Variants in AAK1 observed in about 807,000 individuals in gnomAD.
AAK1 encodes the protein AP2-associated protein kinase 1.
A neutral mutation model predicts 116.0 loss-of-function variants in AAK1; 37 were observed. That is an observed-to-expected ratio of 0.32 (90% CI 0.25 to 0.42). The LOEUF is 0.42. AAK1 is among the 10% of genes least tolerant of loss of function. The pLI, the probability that AAK1 is intolerant of heterozygous loss-of-function variation, is 1.00. For synonymous variants in AAK1, 458 were observed against 439.9 expected (o/e 1.04, Z -0.51); for missense variants, 919 against 1,170.6 (o/e 0.79, Z 3.14).
intron 2 of AAK1, among the ~76,000 whole-genome samples, chr2:69,613,866 G>A (rs1674199789): frequency 6.6e-6 from 1 of 152,228 alleles, no homozygotes; most frequent in African/African-American, 2.4e-5. Flanking sequence ...ACAGGAGGAA[G>A]GGGTAATGAG....
chr2:69,492,407 T>G (rs569827567), intron 17 of AAK1, among the ~76,000 whole-genome samples: 1 of 151,556 alleles, frequency 6.6e-6, no homozygotes, highest in Non-Finnish European at 1.5e-5. Flanking sequence ...AGAGACAGGG[T>G]CCCACCATGT....
At chr2:69,505,257 T>G (rs1224389909) in intron 16 of AAK1, among the ~76,000 whole-genome samples, 1 of 152,178 alleles carries the variant, frequency 6.6e-6, no homozygotes, top group East Asian at 1.9e-4. Context: ...ACTGGGTGTT[T>G]CTTAAATCTA....
intron 17 of AAK1, among the ~76,000 whole-genome samples, chr2:69,485,001 C>T (rs1675239575): frequency 6.6e-6 from 1 of 152,050 alleles, no homozygotes; most frequent in African/African-American, 2.4e-5. Flanking sequence ...TTAGCATTAA[C>T]CTTACACTGT....
chr2:69,573,467 T>G (rs1672169947), intron 2 of AAK1, among the ~76,000 whole-genome samples: 1 of 152,222 alleles, frequency 6.6e-6, no homozygotes, highest in Admixed American at 6.5e-5. Context: ...GTGGTAAGGC[T>G]ACATGTCAAA....
chr2:69,518,258 C>T lies in AAK1; in HGVS notation c.1497+696G>A, dbSNP rs147891895. On this transcript the variant is annotated intron_variant, in intron 12 of 21. Coordinates refer to ENST00000409085, the MANE Select transcript of AAK1 (RefSeq NM_014911.5). ...TGTTAGTATTGGATACTGATTCAAACAAGCCAACTTAATTATGAGATATCA... is the reference window on the plus strand; with the variant it reads ...TGTTAGTATTGGATACTGATTCAAATAAGCCAACTTAATTATGAGATATCA... Among the ~76,000 whole-genome samples, 54 of 152,078 alleles carry T rather than the reference C, an allele frequency of 3.6e-4. 1 individual carries two copies. In the East Asian group the frequency reaches 9.5e-3, roughly 27 times the overall value.
intron 2 of AAK1, among the ~76,000 whole-genome samples, chr2:69,606,363 C>T (rs72837978): frequency 0.044 from 6,692 of 152,280 alleles, 239 homozygotes; most frequent in Non-Finnish European, 0.061. Context: ...TTCACAAATC[C>T]TTCTCTTGTA....
intron 12 of AAK1, 132 bp downstream of exon 12, chr2:69,518,822 T>C: frequency 7.5e-7 from 1 of 1,341,918 alleles, no homozygotes; most frequent in South Asian, 1.5e-5. Context: ...TTCTCAATGC[T>C]TTAGTATCTA....
chr2:69,505,510 A>G (rs766621621), intron 16 of AAK1, 59 bp downstream of exon 16: 1 of 1,409,048 alleles, frequency 7.1e-7, no homozygotes, highest in Non-Finnish European at 1.0e-6. Flanking sequence ...CTGTGGAGTA[A>G]AAAACAGTGT....
chr2:69,548,185 T>C (rs1050077786), intron 3 of AAK1, among the ~76,000 whole-genome samples: 2 of 152,214 alleles, frequency 1.3e-5, no homozygotes, highest in Non-Finnish European at 2.9e-5. Flanking sequence ...TGCACAACCT[T>C]GTGAATATAC....
intron 2 of AAK1, among the ~76,000 whole-genome samples, chr2:69,586,847 T>G (rs757107060): frequency 5.9e-5 from 9 of 152,178 alleles, no homozygotes; most frequent in Non-Finnish European, 8.8e-5. Flanking sequence ...ATACTGAGAT[T>G]CAAAATCCTT....
chr2:69,535,050 T>C (rs1359946713), intron 5 of AAK1, among the ~76,000 whole-genome samples: 2 of 152,228 alleles, frequency 1.3e-5, no homozygotes, highest in Non-Finnish European at 2.9e-5. Context: ...AAATCACTTA[T>C]TCAGCATCAT....
chr2:69,618,601 G>A lies in AAK1; in HGVS notation c.163+24277C>T, dbSNP rs539904262. 3.9e-5 allele frequency among the ~76,000 whole-genome samples: 6 copies of A among 152,176 alleles called. No homozygotes were observed. In the East Asian group the frequency reaches 7.7e-4, roughly 20 times the overall value. ...TCCTGCTCCTTTGAGCTCATGCCAC[G>A]TGGCTACACTGGCTTCCACCCTGCC... is the stretch of plus-strand genomic sequence containing the variant. On this transcript the variant is annotated intron_variant, in intron 2 of 21. Coordinates refer to ENST00000409085, the MANE Select transcript of AAK1 (RefSeq NM_014911.5).
chr2:69,548,166 G>A (rs569680276), intron 3 of AAK1, among the ~76,000 whole-genome samples: 3 of 152,314 alleles, frequency 2.0e-5, no homozygotes, highest in African/African-American at 7.2e-5. Flanking sequence ...ATTAGATAGT[G>A]GTGATGGTTG....
In AAK1 at chr2:69,475,064, C is replaced by T. The variant is rs985886232; in HGVS notation, c.*805G>A. On this transcript the variant is annotated 3_prime_UTR_variant, in exon 22 of 22. Coordinates refer to ENST00000409085, the MANE Select transcript of AAK1 (RefSeq NM_014911.5). ...TCTAATTCTGAGATCCCACTTGGAA[C>T]AGTTAACATGAAAAGGAATGGCAAT... is the stretch of plus-strand genomic sequence containing the variant. 2.2e-5 allele frequency: 22 copies of T among 978,794 alleles called. No individual in the cohort carries two copies. The East Asian group carries it at 4.8e-4, about 21-fold the overall frequency. 60.6% of individuals were successfully genotyped at this position (978,794 alleles called of 1,614,324 possible).
chr2:69,542,766 A>G, intron 4 of AAK1, 101 bp from the exon 5 acceptor site: 1 of 1,346,892 alleles, frequency 7.4e-7, no homozygotes, highest in Non-Finnish European at 1.0e-6. Context: ...AGTCTGGACT[A>G]AGGTAACAGA....
chr2:69,529,278 G>A (rs1670144820), intron 8 of AAK1, among the ~76,000 whole-genome samples: 2 of 152,260 alleles, frequency 1.3e-5, no homozygotes, highest in South Asian at 2.1e-4. Context: ...GGTTACTCAG[G>A]ATTTATAATC....
chr2:69,641,110 CAAA>C (rs1675703491), intron 2 of AAK1, among the ~76,000 whole-genome samples: 1 of 152,192 alleles, frequency 6.6e-6, no homozygotes, highest in Non-Finnish European at 1.5e-5. Flanking sequence ...GCCTAGGTAA[CAAA>C]GACCAATTTT....
rs569654536 is a variant in AAK1 at position 69,499,401 on chromosome 2, C to T, written c.2270-3321G>A. On this transcript the variant is annotated intron_variant, in intron 16 of 21. Transcript: ENST00000409085. Reference sequence around the variant, plus strand: ...GCCTTTAAAGCACTCCCTTCTGGGGCCCCTAGTTCCCTCTGGGACTTTCAC... The same window carrying T: ...GCCTTTAAAGCACTCCCTTCTGGGGTCCCTAGTTCCCTCTGGGACTTTCAC... 2.0e-5 allele frequency among the ~76,000 whole-genome samples: 3 copies of T among 152,304 alleles called. No homozygotes were observed. In the South Asian group the frequency reaches 6.2e-4, roughly 32 times the overall value.
At position 69,640,799 on chromosome 2, in the gene AAK1, T is replaced by C. The variant is rs529823407; in HGVS notation, c.163+2079A>G. On this transcript the variant is annotated intron_variant, in intron 2 of 21. Coordinates refer to ENST00000409085, the MANE Select transcript of AAK1 (RefSeq NM_014911.5). ...AACTCCTACTCACTCTTCAGTCACT[T>C]CCTTCAGAAATCCTGGGCTCCCTAA... Among the ~76,000 whole-genome samples the C allele has an allele frequency of 3.3e-5, 5 of 152,344 alleles. No homozygotes were observed. The South Asian group carries it at 1.0e-3, about 32-fold the overall frequency.
Sources: allele counts gnomAD v4.1 joint callset (sites outside exome capture counted in the v4.1 genomes callset), GRCh38; gene constraint gnomAD v4.1.1; transcripts MANE v1.5; gene names NCBI Gene and HGNC (gene_info 2026-07-23, HGNC 2026-07-21).